GRIK2: variants seen among roughly 807,000 people sequenced by gnomAD.
GRIK2 encodes glutamate receptor ionotropic, kainate 2.
In GRIK2, 32 loss-of-function variants were observed where a neutral mutation model predicts 100.3. The ratio of observed to expected loss-of-function variants is 0.32; its 90% confidence interval spans 0.24 to 0.43. The LOEUF (loss-of-function observed/expected upper bound fraction) is 0.43, where lower values mean the gene tolerates loss of function less well. Among genes scored for constraint, GRIK2 ranks in the 20% least tolerant of loss-of-function variants. The probability of loss-of-function intolerance (pLI) is 1.00; values close to 1 mark genes in which losing one functional copy is unlikely to be tolerated. For missense variants in GRIK2, 843 were observed against 1,114.9 expected, an observed-to-expected ratio of 0.76 and a Z score of 3.47; for synonymous variants, 417 against 389.4, an observed-to-expected ratio of 1.07 and a Z score of -0.83.
chr6:101,761,587 A>C (rs1387952486), intron 7 of GRIK2, among the ~76,000 whole-genome samples: 1 of 152,128 alleles, frequency 6.6e-6, no homozygotes, highest in Non-Finnish European at 1.5e-5. Context: ...ACAAAACTCC[A>C]CACTGAAGCA....
At chr6:101,518,186 TA>T (rs960514216) in intron 2 of GRIK2, among the ~76,000 whole-genome samples, 16 of 151,976 alleles carry the variant, frequency 1.1e-4, no homozygotes, top group South Asian at 4.2e-4. Flanking sequence ...GCAATAAAGT[TA>T]AAAAAAAGTG....
chr6:101,653,016 GTC>G (rs543000710), intron 4 of GRIK2, among the ~76,000 whole-genome samples: 6 of 144,734 alleles, frequency 4.1e-5, no homozygotes, highest in South Asian at 2.2e-4. Context: ...CTTCTCCTCT[GTC>G]TCTCTATCTT....
chr6:101,980,076 G>T (rs1373346048), intron 14 of GRIK2, among the ~76,000 whole-genome samples: 1 of 151,930 alleles, frequency 6.6e-6, no homozygotes, highest in African/African-American at 2.4e-5. Context: ...GGATGCTGGT[G>T]AGCGGGTGAG....
chr6:101,583,742 T>C (rs958492228), intron 2 of GRIK2, among the ~76,000 whole-genome samples: 1 of 152,164 alleles, frequency 6.6e-6, no homozygotes, highest in Non-Finnish European at 1.5e-5. Flanking sequence ...TAGTGATAAC[T>C]AATGCAACTG....
At chr6:101,802,302 T>C (rs370343505) in intron 8 of GRIK2, 29 bp from the exon 9 acceptor site, 4 of 895,082 alleles carry the variant, frequency 4.5e-6, no homozygotes, top group Admixed American at 4.8e-5. Context: ...CTTCACTTAT[T>C]TATTATCAAT....
intron 2 of GRIK2, among the ~76,000 whole-genome samples, chr6:101,476,440 G>A (rs192727337): frequency 5.9e-5 from 9 of 152,144 alleles, no homozygotes; most frequent in South Asian, 2.1e-4. Context: ...CTTTTCAAAC[G>A]GACAGCTAGC....
intron 10 of GRIK2, among the ~76,000 whole-genome samples, chr6:101,824,880 T>C (rs900582828): frequency 3.9e-5 from 6 of 152,172 alleles, no homozygotes; most frequent in African/African-American, 1.2e-4. Context: ...AAATTTCCAA[T>C]GACAATTGAA....
chr6:101,540,657 A>C (rs1775941559), intron 2 of GRIK2, among the ~76,000 whole-genome samples: 1 of 151,986 alleles, frequency 6.6e-6, no homozygotes, highest in African/African-American at 2.4e-5. Flanking sequence ...TGCAGTTTGA[A>C]TTGCTCACTA....
intron 7 of GRIK2, among the ~76,000 whole-genome samples, chr6:101,695,824 CA>C (rs1772447015): frequency 6.6e-6 from 1 of 151,996 alleles, no homozygotes; most frequent in Non-Finnish European, 1.5e-5. Flanking sequence ...TACTTACCTA[CA>C]TTTGGACAAA....
intron 2 of GRIK2, among the ~76,000 whole-genome samples, chr6:101,611,136 A>G (rs1355504395): frequency 1.3e-5 from 2 of 151,850 alleles, no homozygotes; most frequent in Non-Finnish European, 2.9e-5. Context: ...CTACTGAAAA[A>G]TAATGTTGGA....
intron 2 of GRIK2, among the ~76,000 whole-genome samples, chr6:101,433,517 G>A (rs968373606): frequency 6.6e-6 from 1 of 152,166 alleles, no homozygotes; most frequent in Non-Finnish European, 1.5e-5. Flanking sequence ...AGTGGTAGGA[G>A]TGCAATAAAT....
chr6:101,758,527 A>C, intron 7 of GRIK2, among the ~76,000 whole-genome samples: 1 of 152,342 alleles, frequency 6.6e-6, no homozygotes, highest in East Asian at 1.9e-4. Flanking sequence ...TGTTGAAAGC[A>C]AAATCTCTGC....
intron 2 of GRIK2, among the ~76,000 whole-genome samples, chr6:101,464,360 T>G (rs1247348462): frequency 6.6e-6 from 1 of 152,108 alleles, no homozygotes; most frequent in Non-Finnish European, 1.5e-5. Context: ...AAAACTACTT[T>G]CTACTTCATA....
At chr6:101,524,152 C>A (rs1383435146) in intron 2 of GRIK2, among the ~76,000 whole-genome samples, 1 of 152,070 alleles carries the variant, frequency 6.6e-6, no homozygotes, top group Non-Finnish European at 1.5e-5. Context: ...TTGATTTTTC[C>A]ATAATTCCTT....
intron 2 of GRIK2, among the ~76,000 whole-genome samples, chr6:101,421,406 G>A (rs1776406500): frequency 3.3e-5 from 5 of 152,206 alleles, no homozygotes; most frequent in Admixed American, 2.0e-4. Context: ...TCATTGGGAG[G>A]TCAGTGGGAA....
chr6:101,842,440 C>A (rs1473639756), intron 10 of GRIK2, among the ~76,000 whole-genome samples: 1 of 151,936 alleles, frequency 6.6e-6, no homozygotes, highest in Non-Finnish European at 1.5e-5. Flanking sequence ...TCTAATGATC[C>A]TTTTTTCTAT....
chr6:101,399,003 T>C lies in GRIK2; in HGVS notation c.-275T>C. On this transcript the variant is annotated 5_prime_UTR_variant, in exon 2 of 17. Coordinates refer to ENST00000369134, the MANE Select transcript of GRIK2 (RefSeq NM_021956.5). ...TTCACAGGCTCGCGCGGCCGGACAT[T>C]GTGGGTGTGCGTGCTGGATTTCTCC... is the stretch of plus-strand genomic sequence containing the variant. 2.3e-6 allele frequency: 1 copy of C among 431,158 alleles called. No individual in the cohort carries two copies. Among genetic ancestry groups the C allele is most frequent in the Admixed American group, 4.2e-5 (1 of 23,790 alleles). 26.7% of individuals were successfully genotyped at this position (431,158 alleles called of 1,614,324 possible).
intron 12 of GRIK2, among the ~76,000 whole-genome samples, chr6:101,914,471 C>T (rs572719841): frequency 6.6e-6 from 1 of 151,474 alleles, no homozygotes; most frequent in South Asian, 2.1e-4. Context: ...CGGCAAGGGG[C>T]TATTCCAAGA....
intron 11 of GRIK2, among the ~76,000 whole-genome samples, chr6:101,864,100 G>T (rs1269741045): frequency 6.8e-6 from 1 of 147,738 alleles, no homozygotes; most frequent in Non-Finnish European, 1.5e-5. Flanking sequence ...TTGCGCCACT[G>T]CAGTCCGCAG....
Sources: allele counts gnomAD v4.1 joint callset (sites outside exome capture counted in the v4.1 genomes callset), GRCh38; gene constraint gnomAD v4.1.1; transcripts MANE v1.5; gene names NCBI Gene and HGNC (gene_info 2026-07-23, HGNC 2026-07-21).